Variants in IQCM observed in about 807,000 individuals in gnomAD.
IQCM encodes the protein IQ motif containing M.
A neutral mutation model predicts 57.6 loss-of-function variants in IQCM; 45 were observed. That is an observed-to-expected ratio of 0.78 (90% CI 0.62 to 1.00). The LOEUF (loss-of-function observed/expected upper bound fraction) is 1.00, where lower values mean the gene tolerates loss of function less well. Among genes scored for constraint, IQCM ranks in the 50% least tolerant of loss-of-function variants. IQCM has a pLI of 0.00. For missense variants in IQCM, 468 were observed against 511.6 expected (o/e 0.91, Z 0.82); for synonymous variants, 148 against 158.9 (o/e 0.93, Z 0.51).
Position 149,561,747 on chromosome 4 carries a change from C to T in IQCM, c.948+1945G>A, listed in dbSNP as rs147613187. Among the ~76,000 whole-genome samples, 91 of 152,198 alleles carry T rather than the reference C, an allele frequency of 6.0e-4. 3 individuals are homozygous for T. Among genetic ancestry groups the T allele is most frequent in the African/African-American group, 2.0e-3 (85 of 41,540 alleles). ...TTATGTGTCAAGATAGTCTGTGGTG[C>T]TATGAATAGAAAAATAAAGAGTACG... On this transcript the variant is annotated intron_variant, in intron 10 of 13. Transcript: ENST00000636793.
At chr4:149,728,114 C>T (rs2149875408) in intron 5 of IQCM, among the ~76,000 whole-genome samples, 1 of 152,336 alleles carries the variant, frequency 6.6e-6, no homozygotes, top group Middle Eastern at 3.4e-3. Context: ...TCAGCTCACT[C>T]CTCTCCAGCT....
chr4:149,686,278 G>A, intron 6 of IQCM, 100 bp downstream of exon 6: 1 of 457,294 alleles, frequency 2.2e-6, no homozygotes, highest in Non-Finnish European at 3.6e-6. Context: ...TGTATGGGGT[G>A]TTAATAGAAA....
At chr4:149,627,348 C>T (rs1756902667) in intron 7 of IQCM, among the ~76,000 whole-genome samples, 1 of 152,122 alleles carries the variant, frequency 6.6e-6, no homozygotes, top group Non-Finnish European at 1.5e-5. Context: ...CTAGATTTTT[C>T]TCAGGGCTGA....
chr4:149,384,958 A>C (rs1731318021), intron 13 of IQCM, among the ~76,000 whole-genome samples: 1 of 152,038 alleles, frequency 6.6e-6, no homozygotes, highest in Admixed American at 6.6e-5. Flanking sequence ...TTACTTTAAA[A>C]AATGCTTCAT....
intron 13 of IQCM, among the ~76,000 whole-genome samples, chr4:149,378,110 A>G (rs1341209569): frequency 6.6e-6 from 1 of 152,142 alleles, no homozygotes; most frequent in African/African-American, 2.4e-5. Context: ...CTTGTCTGCC[A>G]GCATGTAAGA....
intron 13 of IQCM, among the ~76,000 whole-genome samples, chr4:149,362,158 AT>A (rs1393169235): frequency 6.6e-6 from 1 of 152,020 alleles, no homozygotes; most frequent in Admixed American, 6.6e-5. Context: ...GGATGGTTGT[AT>A]TTACCCCCAT....
At chr4:149,682,664 C>T (rs1237140612) in intron 6 of IQCM, among the ~76,000 whole-genome samples, 1 of 150,946 alleles carries the variant, frequency 6.6e-6, no homozygotes, top group Non-Finnish European at 1.5e-5. Context: ...ATCTTATTAC[C>T]CTGATATTTT....
In IQCM at chr4:149,788,562, C is replaced by G. The variant is rs181723433; in HGVS notation, c.-49+26749G>C. 3.2e-4 allele frequency among the ~76,000 whole-genome samples: 48 copies of G among 152,208 alleles called. No individual in the cohort carries two copies. In the East Asian group the frequency reaches 8.3e-3, roughly 26 times the overall value. Reference sequence around the variant, plus strand: ...CTGTTGGTGGGAATGTAAATGAGTACAGCCACTACGGAAAACAGTATGGAG... The same window carrying G: ...CTGTTGGTGGGAATGTAAATGAGTAGAGCCACTACGGAAAACAGTATGGAG... On this transcript the variant is annotated intron_variant, in intron 2 of 13. Transcript: ENST00000636793.
intron 12 of IQCM, among the ~76,000 whole-genome samples, chr4:149,436,040 T>C (rs532084865): frequency 6.6e-6 from 1 of 152,244 alleles, no homozygotes; most frequent in East Asian, 1.9e-4. Flanking sequence ...GTTCAGTGTT[T>C]ATAAAGTCTA....
At position 149,548,333 on chromosome 4, in the gene IQCM, G is replaced by A. The variant is rs936676023; in HGVS notation, c.1228+122C>T. The A allele has an allele frequency of 7.5e-6, 6 of 794,770 alleles. No individual in the cohort carries two copies. In the African/African-American group the frequency reaches 8.9e-5, roughly 12 times the overall value. The allele number at this position is 794,770 out of a possible 1,614,324, so 49.2% of individuals were successfully genotyped here. ...TTGAGGGAAAGCACTTACACAAAAAGTTTAGTAAAAGTAAGGGAAGGAATG... is the reference window on the plus strand; with the variant it reads ...TTGAGGGAAAGCACTTACACAAAAAATTTAGTAAAAGTAAGGGAAGGAATG... On this transcript the variant is annotated intron_variant, in intron 12 of 13. Transcript: ENST00000636793.
At chr4:149,762,509 G>A (rs1769625198) in intron 2 of IQCM, among the ~76,000 whole-genome samples, 1 of 152,002 alleles carries the variant, frequency 6.6e-6, no homozygotes, top group Non-Finnish European at 1.5e-5. Flanking sequence ...CACATTAGGA[G>A]AGCAGGCCCT....
intron 12 of IQCM, among the ~76,000 whole-genome samples, chr4:149,450,430 T>C (rs753936651): frequency 1.3e-5 from 2 of 151,580 alleles, no homozygotes; most frequent in East Asian, 1.9e-4. Context: ...AAAACACACA[T>C]AGAATGGTAG....
chr4:149,712,690 G>C (rs1476300108), intron 5 of IQCM, among the ~76,000 whole-genome samples: 1 of 152,094 alleles, frequency 6.6e-6, no homozygotes, highest in Non-Finnish European at 1.5e-5. Flanking sequence ...AAACCAATCT[G>C]ATGGAAGGTG....
chr4:149,564,728 C>T (rs1021122202), intron 9 of IQCM, among the ~76,000 whole-genome samples: 4 of 152,184 alleles, frequency 2.6e-5, no homozygotes, highest in Non-Finnish European at 2.9e-5. Flanking sequence ...TCTTGAAATC[C>T]GACTGGCTCT....
intron 12 of IQCM, among the ~76,000 whole-genome samples, chr4:149,437,017 C>A (rs192318208): frequency 6.6e-6 from 1 of 152,076 alleles, no homozygotes; most frequent in Non-Finnish European, 1.5e-5. Context: ...CATCACAGCT[C>A]AAGATACTGA....
intron 12 of IQCM, among the ~76,000 whole-genome samples, chr4:149,526,093 G>C (rs1746132886): frequency 6.6e-6 from 1 of 151,818 alleles, no homozygotes; most frequent in Non-Finnish European, 1.5e-5. Flanking sequence ...CAATTTTGCT[G>C]AGAAATTTGA....
At chr4:149,425,222 T>C (rs1349537025) in intron 13 of IQCM, among the ~76,000 whole-genome samples, 4 of 152,016 alleles carry the variant, frequency 2.6e-5, no homozygotes, top group Non-Finnish European at 4.4e-5. Flanking sequence ...TTTGTCATCA[T>C]AGTAATTTTA....
chr4:149,627,770 A>G (rs115197879), intron 7 of IQCM, among the ~76,000 whole-genome samples: 1,587 of 152,308 alleles, frequency 0.01, 29 homozygotes, highest in African/African-American at 0.036. Flanking sequence ...TGCAACTGTG[A>G]TTAAATTAAG....
intron 12 of IQCM, among the ~76,000 whole-genome samples, chr4:149,513,913 G>A (rs1744679735): frequency 6.6e-6 from 1 of 152,052 alleles, no homozygotes; most frequent in African/African-American, 2.4e-5. Context: ...GAAATATTAG[G>A]ATAATGTTGC....
Sources: gnomAD v4.1 joint callset for allele counts (sites outside exome capture counted in the v4.1 genomes callset) on GRCh38, gnomAD v4.1.1 for gene constraint, MANE v1.5 for transcripts, NCBI Gene and HGNC (gene_info 2026-07-23, HGNC 2026-07-21) for gene names.